The following PLCB1 variants were observed in gnomAD, a reference collection of about 807,000 sequenced individuals.
The protein encoded by PLCB1 is 1-phosphatidylinositol 4,5-bisphosphate phosphodiesterase beta-1.
In PLCB1, 46 loss-of-function variants were observed where a neutral mutation model predicts 161.8. The ratio of observed to expected loss-of-function variants is 0.28; its 90% CI spans 0.22 to 0.36. PLCB1 has a LOEUF of 0.36. Among genes scored for constraint, PLCB1 ranks in the 10% least tolerant of loss-of-function variants. PLCB1 has a pLI of 1.00. For missense variants in PLCB1, 1,016 were observed against 1,472.5 expected (o/e 0.69, Z 5.07); for synonymous variants, 517 against 503.7 (o/e 1.03, Z -0.35).
Position 8,750,918 on chromosome 20 carries a change from A to C in PLCB1, c.2524-6128A>C, listed in dbSNP as rs750438346. ...CCAAAGCAAGATGCTGTCATAAGGT[A>C]AAAAGAACTGCACTCTTTTTTTTTT... On this transcript the variant is annotated intron_variant, in intron 23 of 31. Coordinates refer to ENST00000338037, the MANE Select transcript of PLCB1 (RefSeq NM_015192.4). 15 of 1,215,160 alleles carry C rather than the reference A, an allele frequency of 1.2e-5. No individual in the cohort carries two copies. The East Asian group carries it at 7.1e-4, about 58-fold the overall frequency. 75.3% of individuals were successfully genotyped at this position (1,215,160 alleles called of 1,614,324 possible).
chr20:8,662,573 T>C (rs1324041272), intron 9 of PLCB1, among the ~76,000 whole-genome samples: 1 of 145,422 alleles, frequency 6.9e-6, no homozygotes, highest in Admixed American at 7.1e-5. Context: ...CAATATATAT[T>C]ATTAACATAA....
At chr20:8,290,131 C>A (rs1983317352) in intron 2 of PLCB1, among the ~76,000 whole-genome samples, 1 of 152,108 alleles carries the variant, frequency 6.6e-6, no homozygotes, top group African/African-American at 2.4e-5. Flanking sequence ...TTATAAAAAG[C>A]TGAAACTTGG....
intron 3 of PLCB1, among the ~76,000 whole-genome samples, chr20:8,545,223 A>C (rs530488773): frequency 3.4e-4 from 52 of 152,250 alleles, no homozygotes; most frequent in Non-Finnish European, 5.4e-4. Flanking sequence ...CATGTCATAG[A>C]ATCAGGAAAA....
chr20:8,823,820 T>C (rs1343626493), intron 31 of PLCB1, among the ~76,000 whole-genome samples: 1 of 152,224 alleles, frequency 6.6e-6, no homozygotes, highest in Non-Finnish European at 1.5e-5. Flanking sequence ...TTTCAGATAG[T>C]TCAGAAGGCC....
At chr20:8,490,898 A>G (rs183335041) in intron 3 of PLCB1, among the ~76,000 whole-genome samples, 4 of 150,578 alleles carry the variant, frequency 2.7e-5, no homozygotes, top group East Asian at 3.9e-4. Context: ...CTATATGTAC[A>G]CATATATATG....
rs932690524 is a variant in PLCB1, at chr20:8,373,515, G to A, written c.246+2065G>A. Among the ~76,000 whole-genome samples the A allele has an allele frequency of 3.9e-5, 6 of 152,306 alleles. No homozygotes were observed. In the South Asian group the frequency reaches 1.0e-3, roughly 26 times the overall value. ...TACCTGGGAAACTTTCAAAAATGCT[G>A]ATGTGTGTTTTCCGCCTCCAGAAAT... On this transcript the variant is annotated intron_variant, in intron 3 of 31. Transcript: ENST00000338037.
chr20:8,415,877 G>T (rs576824624), intron 3 of PLCB1, among the ~76,000 whole-genome samples: 67 of 152,340 alleles, frequency 4.4e-4, no homozygotes, highest in Non-Finnish European at 8.4e-4. Context: ...AAGTCTGCTA[G>T]TGGTCAGTTT....
chr20:8,652,511 T>G (rs535284652), intron 7 of PLCB1: 1 of 152,212 alleles, frequency 6.6e-6, no homozygotes, highest in South Asian at 2.1e-4. Context: ...ACAATGACTC[T>G]AGAAAATATC....
At chr20:8,329,737 C>T (rs1441575452) in intron 2 of PLCB1, among the ~76,000 whole-genome samples, 3 of 152,112 alleles carry the variant, frequency 2.0e-5, no homozygotes, top group African/African-American at 4.8e-5. Context: ...CCTCATCTGA[C>T]GTGGGCTGTG....
intron 3 of PLCB1, among the ~76,000 whole-genome samples, chr20:8,502,005 A>C (rs1052049612): frequency 2.7e-5 from 4 of 150,692 alleles, no homozygotes; most frequent in Non-Finnish European, 4.4e-5. Context: ...TTCCAAAAAA[A>C]CAAATATTGA....
At chr20:8,509,522 A>G (rs1418190169) in intron 3 of PLCB1, among the ~76,000 whole-genome samples, 4 of 152,230 alleles carry the variant, frequency 2.6e-5, no homozygotes, top group African/African-American at 9.6e-5. Flanking sequence ...CTTTAGGCTT[A>G]TAAAGTACCA....
intron 3 of PLCB1, among the ~76,000 whole-genome samples, chr20:8,391,333 T>G (rs1987579890): frequency 6.6e-6 from 1 of 152,158 alleles, no homozygotes; most frequent in African/African-American, 2.4e-5. Context: ...AGCAATATTG[T>G]TGTACTAAGA....
chr20:8,615,919 A>C (rs925452424), intron 3 of PLCB1, among the ~76,000 whole-genome samples: 3 of 152,086 alleles, frequency 2.0e-5, no homozygotes, highest in African/African-American at 7.2e-5. Flanking sequence ...CCAAACTCAT[A>C]ATCATAATCA....
At chr20:8,817,207 T>C (rs1008759633) in intron 31 of PLCB1, among the ~76,000 whole-genome samples, 3 of 152,156 alleles carry the variant, frequency 2.0e-5, no homozygotes, top group Non-Finnish European at 4.4e-5. Context: ...TTTTAAAATA[T>C]GTTTAAATGC....
At chr20:8,735,642 C>T (rs926178855) in intron 19 of PLCB1, among the ~76,000 whole-genome samples, 5 of 152,204 alleles carry the variant, frequency 3.3e-5, no homozygotes, top group Non-Finnish European at 5.9e-5. Flanking sequence ...TAGGACTCTG[C>T]TTTGGTCAAA....
chr20:8,323,791 A>G (rs185156215), intron 2 of PLCB1, among the ~76,000 whole-genome samples: 1 of 151,826 alleles, frequency 6.6e-6, no homozygotes, highest in Non-Finnish European at 1.5e-5. Flanking sequence ...ATTACCTTTC[A>G]TCATCATAGG....
At chr20:8,746,723 A>G (rs1981191553) in intron 23 of PLCB1, among the ~76,000 whole-genome samples, 1 of 152,226 alleles carries the variant, frequency 6.6e-6, no homozygotes, top group Non-Finnish European at 1.5e-5. Context: ...CATTTAACAA[A>G]TGAAGAAACT....
chr20:8,132,448 G>T lies in PLCB1; in HGVS notation c.-204G>T. 1 of 317,160 alleles carries T rather than the reference G, an allele frequency of 3.2e-6. No homozygotes were observed. The allele number at this position is 317,160 out of a possible 1,614,324, so 19.6% of individuals were successfully genotyped here. ...CTCGCGTCCCGCCCGGGGCATGGCC[G>T]GGCGCTGCGCCCCCGCGCGCTCTGC... On this transcript the variant is annotated 5_prime_UTR_variant, in exon 1 of 32. Transcript: ENST00000338037. This position sits in a 1 kb window ranked among gnomAD's most constrained non-coding sequence, Gnocchi z 5.2.
intron 31 of PLCB1, among the ~76,000 whole-genome samples, chr20:8,819,572 A>G (rs760336623): frequency 4.8e-5 from 7 of 146,464 alleles, no homozygotes; most frequent in Non-Finnish European, 9.2e-5. Context: ...GAGTAAAAAG[A>G]CAGATAACTC....
Sources: allele counts gnomAD v4.1 joint callset (sites outside exome capture counted in the v4.1 genomes callset), GRCh38; gene constraint gnomAD v4.1.1; non-coding constraint Gnocchi (gnomAD v3.1); transcripts MANE v1.5; gene names NCBI Gene and HGNC (gene_info 2026-07-23, HGNC 2026-07-21).